The following HSPBAP1 variants were observed in gnomAD, a reference collection of about 807,000 sequenced individuals.
HSPBAP1 encodes the protein HSPB1-associated protein 1.
In HSPBAP1, 27 loss-of-function variants were observed where a neutral mutation model predicts 45.2. The observed-to-expected ratio is 0.60, with a 90% CI of 0.44 to 0.82. The LOEUF (loss-of-function observed/expected upper bound fraction) is 0.82, where lower values mean the gene tolerates loss of function less well. HSPBAP1 is among the 40% of genes least tolerant of loss of function. The probability of loss-of-function intolerance (pLI) is 0.00; values close to 1 mark genes in which losing one functional copy is unlikely to be tolerated. For missense variants in HSPBAP1, 510 were observed against 590.9 expected, an observed-to-expected ratio of 0.86 and a Z score of 1.42; for synonymous variants, 204 against 202.7, an observed-to-expected ratio of 1.01 and a Z score of -0.06.
intron 3 of HSPBAP1, among the ~76,000 whole-genome samples, chr3:122,761,179 A>G (rs1481783405): frequency 6.6e-6 from 1 of 152,220 alleles, no homozygotes; most frequent in East Asian, 1.9e-4. Context: ...ATAAAAAGGA[A>G]AAAAGAGAGA....
intron 1 of HSPBAP1, among the ~76,000 whole-genome samples, chr3:122,785,940 G>C (rs927826278): frequency 6.6e-6 from 1 of 151,982 alleles, no homozygotes; most frequent in Admixed American, 6.6e-5. Flanking sequence ...TATGGAAGTT[G>C]CGAGTCAGCC....
Position 122,741,350 on chromosome 3 carries a change from T to C in HSPBAP1, c.826-237A>G, listed in dbSNP as rs189194185. 103 of 482,404 alleles carry C rather than the reference T, an allele frequency of 2.1e-4. No individual in the cohort carries two copies. In the East Asian group the frequency reaches 3.1e-3, roughly 15 times the overall value. The allele number at this position is 482,404 out of a possible 1,614,324, so 29.9% of individuals were successfully genotyped here. The stretch of plus-strand genomic sequence containing the variant: ...AAGTATGTATTCTATCTATAAGTCA[T>C]GGCCTTAAGTATGAATCACCTTATG... On this transcript the variant is annotated intron_variant, in intron 6 of 7. Coordinates refer to ENST00000306103, the MANE Select transcript of HSPBAP1 (RefSeq NM_024610.6).
At chr3:122,785,922 C>T (rs1300296586) in intron 1 of HSPBAP1, among the ~76,000 whole-genome samples, 4 of 151,930 alleles carry the variant, frequency 2.6e-5, no homozygotes, top group African/African-American at 7.3e-5. Flanking sequence ...TGTGTGCACG[C>T]GCGCACATAT....
intron 6 of HSPBAP1, among the ~76,000 whole-genome samples, chr3:122,743,170 T>C (rs1933727334): frequency 6.6e-6 from 1 of 152,230 alleles, no homozygotes; most frequent in South Asian, 2.1e-4. Flanking sequence ...AACATTCCAT[T>C]GTACACATAT....
chr3:122,768,802 T>C lies in HSPBAP1; in HGVS notation c.331A>G (p.Ile111Val), dbSNP rs61755728. The change falls in exon 3 of 8, where the codon ATT becomes GTT. Residue 111 changes from isoleucine (I) to valine (V), a missense_variant. By Grantham distance (29) the Ile-to-Val change is conservative. Transcript: ENST00000306103. Reference protein sequence around the residue: ...FLTWNCDQSSISGPFRDYDHS... With the variant: ...FLTWNCDQSSVSGPFRDYDHS... ...TCATAATCTCTAAATGGTCCAGAAA[T>C]ACTAGACTGGTCACAGTTCCAGGTC... The C allele has an allele frequency of 2.2e-5, 35 of 1,611,102 alleles. No homozygotes were observed. In the Middle Eastern group the frequency reaches 6.6e-4, roughly 30 times the overall value.
At chr3:122,774,889 T>C (rs1287486028) in intron 2 of HSPBAP1, among the ~76,000 whole-genome samples, 3 of 152,260 alleles carry the variant, frequency 2.0e-5, no homozygotes, top group Admixed American at 2.0e-4. Flanking sequence ...ATAATGCTCA[T>C]ATCCTTTGAT....
At chr3:122,771,443 G>T (rs968958293) in intron 2 of HSPBAP1, among the ~76,000 whole-genome samples, 4 of 152,170 alleles carry the variant, frequency 2.6e-5, no homozygotes, top group Non-Finnish European at 5.9e-5. Flanking sequence ...CTGAGGTCAG[G>T]ATTTGGCAGT....
chr3:122,740,870 C>A lies in HSPBAP1; in HGVS notation c.942G>T (p.Glu314Asp). 6.2e-7 allele frequency: 1 copy of A among 1,613,770 alleles called. No individual in the cohort carries two copies. Among genetic ancestry groups the A allele is most frequent in the Non-Finnish European group, 8.5e-7 (1 of 1,179,836 alleles). The change falls in exon 8 of 8, where the codon GAG (glutamate) becomes GAT (aspartate). Residue 314 changes from glutamate to aspartate, a missense_variant. Physicochemically the swap from Glu to Asp is conservative, Grantham distance 45. Transcript: ENST00000306103. ...TRAWLNPTEV[E>D]ETSHAVNCCY... Reference sequence around the variant, plus strand: ...AACAGTTGACTGCATGGGACGTTTCCTCAACCTAAGGGAAGAGAAAAACCT... The same window carrying A: ...AACAGTTGACTGCATGGGACGTTTCATCAACCTAAGGGAAGAGAAAAACCT...
At chr3:122,751,613 T>C (rs1000901829) in intron 6 of HSPBAP1, among the ~76,000 whole-genome samples, 1 of 152,236 alleles carries the variant, frequency 6.6e-6, no homozygotes, top group African/African-American at 2.4e-5. Flanking sequence ...GCGAACTTCC[T>C]TGGGAGGTGA....
At chr3:122,750,440 C>A (rs184905002) in intron 6 of HSPBAP1, among the ~76,000 whole-genome samples, 2 of 152,164 alleles carry the variant, frequency 1.3e-5, no homozygotes, top group East Asian at 3.9e-4. Flanking sequence ...CTCCCTTAAG[C>A]CTTGTTATGA....
intron 1 of HSPBAP1, among the ~76,000 whole-genome samples, chr3:122,779,826 A>G (rs1935346623): frequency 6.6e-6 from 1 of 152,036 alleles, no homozygotes; most frequent in South Asian, 2.1e-4. Flanking sequence ...GGTTGGGGGT[A>G]AGGTCACAGA....
chr3:122,788,265 A>G (rs993504364), intron 1 of HSPBAP1, among the ~76,000 whole-genome samples: 2 of 152,200 alleles, frequency 1.3e-5, no homozygotes, highest in African/African-American at 4.8e-5. Context: ...ACTAGTCTCA[A>G]ACCAAAGCAA....
chr3:122,784,093 T>A (rs1935578263), intron 1 of HSPBAP1, among the ~76,000 whole-genome samples: 1 of 152,026 alleles, frequency 6.6e-6, no homozygotes, highest in Non-Finnish European at 1.5e-5. Context: ...TCTCCCAAAG[T>A]GCTGGGACTA....
intron 6 of HSPBAP1, among the ~76,000 whole-genome samples, chr3:122,750,628 C>A (rs1178371794): frequency 6.6e-6 from 1 of 152,102 alleles, no homozygotes; most frequent in Non-Finnish European, 1.5e-5. Context: ...GAGCAATGAA[C>A]AGATTTAGAG....
At chr3:122,753,595 G>A in intron 5 of HSPBAP1, 1 of 984,194 alleles carries the variant, frequency 1.0e-6, no homozygotes, top group Non-Finnish European at 1.2e-6. Flanking sequence ...TCCAGACTCA[G>A]TATGAGATTT....
chr3:122,742,894 A>G (rs561042175), intron 6 of HSPBAP1, among the ~76,000 whole-genome samples: 2 of 152,346 alleles, frequency 1.3e-5, no homozygotes, highest in South Asian at 2.1e-4. Context: ...ATATAAATAC[A>G]GACATTTCTA....
intron 2 of HSPBAP1, among the ~76,000 whole-genome samples, chr3:122,770,112 C>T (rs929224324): frequency 6.6e-6 from 1 of 152,276 alleles, no homozygotes; most frequent in Admixed American, 6.5e-5. Context: ...TCTTTTCTTA[C>T]GTTTCTGCCT....
chr3:122,793,809 C>T lies in HSPBAP1; in HGVS notation c.-129G>A, dbSNP rs1208787008. The T allele has an allele frequency of 5.3e-6, 4 of 749,882 alleles. No homozygotes were observed. Among genetic ancestry groups the T allele is most frequent in the South Asian group, 1.7e-5 (1 of 59,370 alleles). 46.5% of individuals were successfully genotyped at this position (749,882 alleles called of 1,614,324 possible). On this transcript the variant is annotated 5_prime_UTR_variant, in exon 1 of 8. Transcript: ENST00000306103. ...GAGCCCCGGCGACTCCCGCCCGGCT[C>T]CTACGGAAACGCCGGCTCTCACGTG...
In HSPBAP1 at chr3:122,740,436, A is replaced by G. The variant is rs1022224931; in HGVS notation, c.1376T>C (p.Phe459Ser). The G allele has an allele frequency of 6.2e-7, 1 of 1,609,322 alleles. No homozygotes were observed. Among genetic ancestry groups the G allele is most frequent in the Admixed American group, 1.7e-5 (1 of 59,330 alleles). ...ASNTTTTPQT[F>S]ISTDDLLDCL... ...GTCCAGCAAGTCATCCGTAGAAATG[A>G]ATGTTTGAGGAGTCGTAGTAGTATT... The change falls in exon 8 of 8, where the codon TTC becomes TCC. Residue 459 changes from phenylalanine (F) to serine (S), a missense_variant. Transcript: ENST00000306103.
Sources: gnomAD v4.1 joint callset for allele counts (sites outside exome capture counted in the v4.1 genomes callset) on GRCh38, gnomAD v4.1.1 for gene constraint, MANE v1.5 for transcripts, NCBI Gene and HGNC (gene_info 2026-07-23, HGNC 2026-07-21) for gene names.